KLF8: variants seen among roughly 807,000 people sequenced by gnomAD.
KLF8 encodes KLF transcription factor 8, also known as Krueppel-like factor 8.
KLF8 carries 10 observed loss-of-function variants against 18.2 expected under a neutral mutation model. That is an observed-to-expected ratio of 0.55 (90% confidence interval 0.34 to 0.93). KLF8 has a LOEUF of 0.93. Among genes scored for constraint, KLF8 ranks in the 40% least tolerant of loss-of-function variants. The pLI is 0.02. For missense variants in KLF8, 264 were observed against 277.9 expected (o/e 0.95, Z 0.36); for synonymous variants, 109 against 97.3 (o/e 1.12, Z -0.71).
At chrX:55,968,070 A>G in the KLF8 span, among the ~76,000 whole-genome samples, 1 of 111,801 alleles carries the variant, frequency 8.9e-6, no homozygotes, top group Non-Finnish European at 1.9e-5. Flanking sequence ...GACCTTCCAG[A>G]TGGAAAATCA....
the KLF8 span, among the ~76,000 whole-genome samples, chrX:56,086,980 C>T: frequency 9.0e-6 from 1 of 111,136 alleles, no homozygotes; most frequent in East Asian, 2.8e-4. Flanking sequence ...GAGCATGAAA[C>T]CAGTCACTGG....
At chrX:56,071,702 A>T in the KLF8 span, among the ~76,000 whole-genome samples, 1 of 112,037 alleles carries the variant, frequency 8.9e-6, no homozygotes, top group African/African-American at 3.2e-5. Context: ...TGAATAAAAC[A>T]GTACCTAATT....
the KLF8 span, among the ~76,000 whole-genome samples, chrX:56,192,913 C>T: frequency 8.9e-6 from 1 of 112,305 alleles, no homozygotes; most frequent in East Asian, 2.8e-4. Context: ...GGACTTTGGC[C>T]TGGGCAAAAA....
chrX:56,240,795 T>G (rs773664857), intron 1 of KLF8, among the ~76,000 whole-genome samples: 5 of 111,587 alleles, frequency 4.5e-5, no homozygotes, highest in Non-Finnish European at 9.4e-5. Context: ...CTCAATAATT[T>G]ACCAGTTTAT....
the KLF8 span, among the ~76,000 whole-genome samples, chrX:55,940,402 C>A: frequency 9.0e-6 from 1 of 111,612 alleles, no homozygotes; most frequent in African/African-American, 3.3e-5. Context: ...CTATCTATGA[C>A]AAACCCACAG....
the KLF8 span, among the ~76,000 whole-genome samples, chrX:55,987,808 G>C: frequency 8.9e-6 from 1 of 112,019 alleles, no homozygotes; most frequent in Non-Finnish European, 1.9e-5. Flanking sequence ...CTAGTTTACA[G>C]TCCCACCAAC....
chrX:56,134,757 G>A, the KLF8 span, among the ~76,000 whole-genome samples: 5 of 109,676 alleles, frequency 4.6e-5, no homozygotes, highest in Admixed American at 4.9e-4. Context: ...TTATACATCT[G>A]ACAAGACTAA....
the KLF8 span, among the ~76,000 whole-genome samples, chrX:55,940,549 A>C: frequency 1.8e-5 from 2 of 111,732 alleles, no homozygotes; most frequent in Non-Finnish European, 3.8e-5. Flanking sequence ...AGGAGAAAGA[A>C]ATAAAGGACA....
the KLF8 span, among the ~76,000 whole-genome samples, chrX:55,944,055 T>C: frequency 8.9e-6 from 1 of 112,549 alleles, no homozygotes; most frequent in Non-Finnish European, 1.9e-5. Flanking sequence ...TGTTGAATTT[T>C]GTTAAAGGCC....
chrX:56,244,482 C>T (rs1225308622), intron 1 of KLF8, among the ~76,000 whole-genome samples: 1 of 111,955 alleles, frequency 8.9e-6, no homozygotes, highest in Non-Finnish European at 1.9e-5. Flanking sequence ...GCCACTGTGC[C>T]AGGCCCTCTT....
the KLF8 span, among the ~76,000 whole-genome samples, chrX:56,225,915 G>A: frequency 8.9e-6 from 1 of 112,304 alleles, no homozygotes; most frequent in Non-Finnish European, 1.9e-5. Flanking sequence ...AAAGATGATT[G>A]AACTACTATT....
chrX:56,195,210 A>G, the KLF8 span, among the ~76,000 whole-genome samples: 1 of 112,411 alleles, frequency 8.9e-6, no homozygotes, highest in African/African-American at 3.2e-5. Context: ...CAGCAACAGA[A>G]CAAATCTGGA....
At chrX:56,188,910 A>T in the KLF8 span, among the ~76,000 whole-genome samples, 4 of 112,236 alleles carry the variant, frequency 3.6e-5, no homozygotes, top group Non-Finnish European at 7.5e-5. Context: ...CTAAAACCAT[A>T]AAAACCCTAG....
At chrX:56,210,737 A>C in the KLF8 span, among the ~76,000 whole-genome samples, 1 of 107,382 alleles carries the variant, frequency 9.3e-6, no homozygotes, top group Admixed American at 1.0e-4. Flanking sequence ...TTTTTTTTTT[A>C]CTTTTATCTC....
the KLF8 span, among the ~76,000 whole-genome samples, chrX:56,151,738 T>C: frequency 9.0e-6 from 1 of 111,092 alleles, no homozygotes; most frequent in Non-Finnish European, 1.9e-5. Flanking sequence ...GAAATTGGAA[T>C]GAGAGATGTG....
the KLF8 span, among the ~76,000 whole-genome samples, chrX:56,183,942 G>A: frequency 5.4e-5 from 6 of 111,538 alleles, no homozygotes; most frequent in African/African-American, 1.3e-4. Context: ...CACCATGAGC[G>A]ATGCAGAAGA....
the KLF8 span, among the ~76,000 whole-genome samples, chrX:56,203,272 A>G: frequency 8.9e-6 from 1 of 111,862 alleles, no homozygotes. Flanking sequence ...TTATTGAATT[A>G]TAAGATTTTT....
the KLF8 span, among the ~76,000 whole-genome samples, chrX:56,200,183 T>G: frequency 7.3e-4 from 81 of 110,667 alleles, no homozygotes; most frequent in African/African-American, 2.6e-3. Context: ...TATACCTATG[T>G]ACCAAACCTG....
the KLF8 span, among the ~76,000 whole-genome samples, chrX:56,163,776 T>C: frequency 8.9e-6 from 1 of 112,385 alleles, no homozygotes; most frequent in Non-Finnish European, 1.9e-5. Context: ...AATTTTTGTA[T>C]ATGGTATAAA....
Sources: gnomAD v4.1 joint callset for allele counts (sites outside exome capture counted in the v4.1 genomes callset) on GRCh38, gnomAD v4.1.1 for gene constraint, MANE v1.5 for transcripts, NCBI Gene and HGNC (gene_info 2026-07-23, HGNC 2026-07-21) for gene names.